Variants in TRAF3IP1 observed in about 807,000 individuals in gnomAD.
TRAF3IP1 encodes the protein intraflagellar transport 54, also known as TRAF3-interacting protein 1.
A neutral mutation model predicts 89.9 loss-of-function variants in TRAF3IP1; 53 were observed. The observed-to-expected ratio is 0.59, with a 90% CI of 0.47 to 0.74. The LOEUF (loss-of-function observed/expected upper bound fraction) is 0.74, where lower values mean the gene tolerates loss of function less well. TRAF3IP1 is among the 30% of genes least tolerant of loss of function. The pLI, the probability that TRAF3IP1 is intolerant of heterozygous loss-of-function variation, is 0.00. For missense variants in TRAF3IP1, 806 were observed against 866.1 expected, an observed-to-expected ratio of 0.93 and a Z score of 0.87; for synonymous variants, 311 against 322.1, an observed-to-expected ratio of 0.97 and a Z score of 0.37.
chr2:238,346,904 C>T (rs1698920417), intron 9 of TRAF3IP1, among the ~76,000 whole-genome samples: 1 of 152,206 alleles, frequency 6.6e-6, no homozygotes. Flanking sequence ...CACATTTGTC[C>T]TCAAGACAAC....
In TRAF3IP1 at chr2:238,350,238, G is replaced by T. The variant is rs117746575; in HGVS notation, c.1451+830G>T. Among the ~76,000 whole-genome samples, 138 of 152,232 alleles carry T rather than the reference G, an allele frequency of 9.1e-4. 2 individuals are homozygous for T. In the East Asian group the frequency reaches 0.021, roughly 23 times the overall value. On this transcript the variant is annotated intron_variant, in intron 12 of 16. Coordinates refer to ENST00000373327, the MANE Select transcript of TRAF3IP1 (RefSeq NM_015650.4). ...GGAATAAGACTAGAAAGTGGGAAAG[G>T]TGGTGTCAAGGGGAGTTATTATTTT...
chr2:238,375,609 A>G (rs997494491), intron 15 of TRAF3IP1, among the ~76,000 whole-genome samples: 1 of 152,102 alleles, frequency 6.6e-6, no homozygotes, highest in South Asian at 2.1e-4. Context: ...ATATCTGTTG[A>G]TTTGTGGTAT....
In TRAF3IP1 at chr2:238,320,603, G is replaced by A; in HGVS notation, c.-60G>A. The A allele has an allele frequency of 8.6e-7, 1 of 1,166,822 alleles. No homozygotes were observed. The highest frequency in any genetic ancestry group is 3.7e-4 in the Middle Eastern group (1 of 2,728). The allele number at this position is 1,166,822 out of a possible 1,614,324, so 72.3% of individuals were successfully genotyped here. A position where few individuals can be genotyped will look rare whatever the true frequency, so the allele number is the denominator to read the frequency against. On this transcript the variant is annotated 5_prime_UTR_variant, in exon 1 of 17. Transcript: ENST00000373327. ...GGGCCGGCGGCGGCCAGGGACCCGG[G>A]CTTAGGCTCGGCCAGGCCGGCTGAG...
intron 15 of TRAF3IP1, among the ~76,000 whole-genome samples, chr2:238,393,422 T>G (rs1701076262): frequency 6.6e-6 from 1 of 152,244 alleles, no homozygotes; most frequent in Non-Finnish European, 1.5e-5. Context: ...TTGCATATTC[T>G]AGCTATAAGT....
intron 15 of TRAF3IP1, among the ~76,000 whole-genome samples, chr2:238,391,479 G>A (rs1700993296): frequency 6.6e-6 from 1 of 152,228 alleles, no homozygotes; most frequent in African/African-American, 2.4e-5. Context: ...CGTTCACGCT[G>A]CCCCTGCTGT....
chr2:238,335,860 C>T (rs768102773), intron 7 of TRAF3IP1, among the ~76,000 whole-genome samples: 4 of 151,218 alleles, frequency 2.6e-5, no homozygotes, highest in East Asian at 1.9e-4. Context: ...AGTGCAGTGG[C>T]GCAATCATGG....
In TRAF3IP1 at chr2:238,332,290, T is replaced by C. The variant is rs566195386; in HGVS notation, c.916-534T>C. The stretch of plus-strand genomic sequence containing the variant: ...TCTTCTGGAAAAGTGATTTAAGGCG[T>C]GAGATAAGATGGTGTTTACGGTTTT... On this transcript the variant is annotated intron_variant, in intron 5 of 16. Transcript: ENST00000373327. Among the ~76,000 whole-genome samples, 6 of 152,304 alleles carry C rather than the reference T, an allele frequency of 3.9e-5. No homozygotes were observed. In the East Asian group the frequency reaches 1.2e-3, roughly 29 times the overall value.
In TRAF3IP1 at chr2:238,347,479, A is replaced by G. The variant is rs1406341996; in HGVS notation, c.1282+4A>G. 6.8e-6 allele frequency: 11 copies of G among 1,613,984 alleles called. No individual in the cohort carries two copies. The highest frequency in any genetic ancestry group is 1.3e-5 in the African/African-American group (1 of 74,904). On this transcript the variant is annotated splice_donor_region_variant and intron_variant, in intron 10 of 16. Coordinates refer to ENST00000373327, the MANE Select transcript of TRAF3IP1 (RefSeq NM_015650.4). The stretch of plus-strand genomic sequence containing the variant: ...GGTGACTCCACCAGTGATGCAGGTG[A>G]GGAATGGCCTTAGATACCTGTGTGT...
chr2:238,321,276 C>A (rs1270909910), intron 1 of TRAF3IP1, among the ~76,000 whole-genome samples: 1 of 152,210 alleles, frequency 6.6e-6, no homozygotes, highest in African/African-American at 2.4e-5. Context: ...ACTCCTGCCT[C>A]GTCTAACCTT....
rs190557709 is a variant in TRAF3IP1 at position 238,364,320 on chromosome 2, G to A, written c.1689+8240G>A. Among the ~76,000 whole-genome samples the A allele has an allele frequency of 2.8e-4, 43 of 151,806 alleles. 1 individual carries two copies. The highest frequency in any genetic ancestry group is 9.2e-4 in the African/African-American group (38 of 41,434). On this transcript the variant is annotated intron_variant, in intron 15 of 16. Coordinates refer to ENST00000373327, the MANE Select transcript of TRAF3IP1 (RefSeq NM_015650.4). ...ATATGTGAATCAGATTGCTTTAAGC[G>A]TTTTCTTCATTATCCTGACTTTTTT...
At position 238,351,879 on chromosome 2, in the gene TRAF3IP1, G is replaced by A. The variant is rs967595365; in HGVS notation, c.1452-948G>A. On this transcript the variant is annotated intron_variant, in intron 12 of 16. Coordinates refer to ENST00000373327, the MANE Select transcript of TRAF3IP1 (RefSeq NM_015650.4). The surrounding 1 kb of genome is among the most constrained non-coding windows in gnomAD (Gnocchi z 5.2). ...TGTGTGTGTGTGTGCGCGCGCGCGC[G>A]TGTGCGTGCATGTGCTTGTGTGTAT... is the stretch of plus-strand genomic sequence containing the variant. 6.6e-6 allele frequency among the ~76,000 whole-genome samples: 1 copy of A among 151,040 alleles called. No homozygotes were observed. The highest frequency in any genetic ancestry group is 2.4e-5 in the African/African-American group (1 of 41,106).
intron 15 of TRAF3IP1, among the ~76,000 whole-genome samples, chr2:238,368,013 T>C (rs1235553563): frequency 6.6e-6 from 1 of 151,062 alleles, no homozygotes; most frequent in Non-Finnish European, 1.5e-5. Flanking sequence ...TTTTAAAAAG[T>C]GTTAGTTAGT....
intron 15 of TRAF3IP1, among the ~76,000 whole-genome samples, chr2:238,388,392 A>T (rs1004674281): frequency 2.7e-5 from 4 of 150,068 alleles, no homozygotes; most frequent in Admixed American, 6.7e-5. Context: ...AAAAAAAAAA[A>T]GGATGTGTTT....
In TRAF3IP1 at chr2:238,352,846, G is replaced by A. The variant is rs753096625; in HGVS notation, c.1471G>A (p.Val491Ile). Reference protein sequence around the residue: ...QMDRSGSGKTVSNVITESHNS... With the variant: ...QMDRSGSGKTISNVITESHNS... ...ATTTAGGTCAGGGAGTGGTAAAACC[G>A]TTTCAAATGTGATTACAGAGTCACA... Residue 491 changes from valine (V) to isoleucine (I), a missense_variant, in exon 13 of 17, where the codon GTT (valine) becomes ATT (isoleucine). Coordinates refer to ENST00000373327, the MANE Select transcript of TRAF3IP1 (RefSeq NM_015650.4). The A allele has an allele frequency of 1.1e-5, 17 of 1,609,590 alleles. No homozygotes were observed. The highest frequency in any genetic ancestry group is 1.6e-4 in the Middle Eastern group (1 of 6,068).
chr2:238,397,512 G>C lies in TRAF3IP1; in HGVS notation c.1743G>C (p.Lys581Asn), dbSNP rs769447347. The change falls in exon 16 of 17, where the codon AAG (lysine) becomes AAC (asparagine). Residue 581 changes from lysine to asparagine, a missense_variant. Lys to Asn is a moderately conservative substitution (Grantham distance 94). This residue lies in a region of TRAF3IP1 where 732 missense variants were observed against 780.5 expected (regional missense o/e 0.94). Coordinates refer to ENST00000373327, the MANE Select transcript of TRAF3IP1 (RefSeq NM_015650.4). ...AGAAGGAGAAGGACATCGTTTCCAA[G>C]GAGATAGAGAAGCTCCGCACGTCCA... The part of the protein sequence containing the change: ...AWKKEKDIVS[K>N]EIEKLRTSIQ... The C allele has an allele frequency of 1.2e-6, 2 of 1,613,016 alleles. No homozygotes were observed. Among genetic ancestry groups the C allele is most frequent in the South Asian group, 1.1e-5 (1 of 91,080 alleles).
chr2:238,368,104 T>C (rs1018182461), intron 15 of TRAF3IP1, among the ~76,000 whole-genome samples: 1 of 152,234 alleles, frequency 6.6e-6, no homozygotes. Context: ...CCATCTATTA[T>C]TCCTTGCTGT....
rs1480913902 is a variant in TRAF3IP1, at chr2:238,379,711, A to G, written c.1690-17748A>G. 1.3e-5 allele frequency among the ~76,000 whole-genome samples: 2 copies of G among 152,184 alleles called. No homozygotes were observed. The highest frequency in any genetic ancestry group is 3.8e-4 in the East Asian group (2 of 5,204). On this transcript the variant is annotated intron_variant, in intron 15 of 16. Coordinates refer to ENST00000373327, the MANE Select transcript of TRAF3IP1 (RefSeq NM_015650.4). This position sits in a 1 kb window ranked among gnomAD's most constrained non-coding sequence, Gnocchi z 4.0. ...TCAGTGGGTCTCTTGTTGCCCAGTA[A>G]CTACCTTTTATAGCTGGTATTTTTG...
rs1574987930 is a variant in TRAF3IP1, at chr2:238,399,172, T to G, written c.*253T>G. 1 of 355,050 alleles carries G rather than the reference T, an allele frequency of 2.8e-6. No individual in the cohort carries two copies. Among genetic ancestry groups the G allele is most frequent in the African/African-American group, 2.1e-5 (1 of 47,288 alleles). The allele number at this position is 355,050 out of a possible 1,614,324, so 22.0% of individuals were successfully genotyped here. On this transcript the variant is annotated 3_prime_UTR_variant, in exon 17 of 17. Coordinates refer to ENST00000373327, the MANE Select transcript of TRAF3IP1 (RefSeq NM_015650.4). ...CTTCCAAACACCTCTGTGAAAAGTT[T>G]TTTTGAAAGCCTGTTCTTTGTGTTT...
chr2:238,350,440 G>A (rs988028464), intron 12 of TRAF3IP1, among the ~76,000 whole-genome samples: 1 of 152,156 alleles, frequency 6.6e-6, no homozygotes, highest in Admixed American at 6.6e-5. Flanking sequence ...TTTCTCATGA[G>A]CCGTAAGAGG....
Sources: gnomAD v4.1 joint callset for allele counts (sites outside exome capture counted in the v4.1 genomes callset) on GRCh38, gnomAD v4.1.1 for gene constraint, gnomAD v4.1.1 regional missense constraint, Gnocchi (gnomAD v3.1) non-coding constraint, MANE v1.5 for transcripts, NCBI Gene and HGNC (gene_info 2026-07-23, HGNC 2026-07-21) for gene names.